Variants in CAMK2D observed in about 807,000 individuals in gnomAD.
CAMK2D encodes the protein calcium/calmodulin dependent protein kinase II delta.
CAMK2D carries 37 observed loss-of-function variants against 84.0 expected under a neutral mutation model. The observed-to-expected ratio is 0.44, with a 90% CI of 0.34 to 0.58. The LOEUF is 0.58. Among genes scored for constraint, CAMK2D ranks in the 20% least tolerant of loss-of-function variants. The pLI is 0.02. For synonymous variants in CAMK2D, 202 were observed against 212.5 expected (o/e 0.95, Z 0.43); for missense variants, 448 against 652.5 (o/e 0.69, Z 3.41).
intron 4 of CAMK2D, among the ~76,000 whole-genome samples, chr4:113,579,219 T>G (rs566547422): frequency 3.6e-4 from 55 of 152,358 alleles, no homozygotes; most frequent in African/African-American, 1.3e-3. Context: ...ATATTATAGT[T>G]GAGTCTTTGC....
At chr4:113,511,307 A>T (rs2098211190) in intron 12 of CAMK2D, among the ~76,000 whole-genome samples, 1 of 152,138 alleles carries the variant, frequency 6.6e-6, no homozygotes, top group Admixed American at 6.5e-5. Flanking sequence ...GTGATGGATT[A>T]AAAAAATTGC....
intron 3 of CAMK2D, among the ~76,000 whole-genome samples, chr4:113,627,283 C>A (rs763464932): frequency 6.6e-6 from 1 of 152,116 alleles, no homozygotes; most frequent in Non-Finnish European, 1.5e-5. Flanking sequence ...TTTTCCATTA[C>A]ATTTCACTGT....
At chr4:113,633,747 G>A (rs1350806624) in intron 3 of CAMK2D, among the ~76,000 whole-genome samples, 1 of 152,078 alleles carries the variant, frequency 6.6e-6, no homozygotes, top group East Asian at 1.9e-4. Context: ...GGTAACTGTG[G>A]GCAAAGTGCT....
chr4:113,731,135 C>G (rs1189310068), intron 2 of CAMK2D, among the ~76,000 whole-genome samples: 1 of 152,200 alleles, frequency 6.6e-6, no homozygotes, highest in Non-Finnish European at 1.5e-5. Context: ...ATTTCCACCT[C>G]TCTCCCATAA....
Position 113,761,227 on chromosome 4 carries a change from G to T in CAMK2D, c.-159C>A. The T allele has an allele frequency of 6.7e-7, 1 of 1,488,630 alleles. No homozygotes were observed. The allele number at this position is 1,488,630 out of a possible 1,614,324, so 92.2% of individuals were successfully genotyped here. On this transcript the variant is annotated 5_prime_UTR_variant, in exon 1 of 21. Transcript: ENST00000511664. ...CCCGCGAGGGAGTGTGCGCAGGGGC[G>T]GGGCGGGAGGGGAGATGACCAGAAA...
intron 14 of CAMK2D, among the ~76,000 whole-genome samples, chr4:113,504,056 T>C (rs568583410): frequency 2.0e-5 from 3 of 152,336 alleles, no homozygotes; most frequent in African/African-American, 7.2e-5. Context: ...TATTTTGATG[T>C]GTCCTCCTTT....
chr4:113,651,373 C>T (rs1170175671), intron 3 of CAMK2D, among the ~76,000 whole-genome samples: 2 of 152,068 alleles, frequency 1.3e-5, no homozygotes, highest in Admixed American at 6.5e-5. Flanking sequence ...AAAACAAATT[C>T]CTGTGTTCAA....
rs1553973876 is a variant in CAMK2D at position 113,581,529 on chromosome 4, A to AAAGAAAAAG, written c.275+27622_275+27623insCTTTTTCTT. ...ACTTTCTCATAAAAAAAAAAAAAAA[A>AAAGAAAAAG]AAAAGAAAAGAAAAGAAAAGAAAAA... is the stretch of plus-strand genomic sequence containing the variant. On this transcript the variant is annotated intron_variant, in intron 4 of 20. Coordinates refer to ENST00000511664, the MANE Select transcript of CAMK2D (RefSeq NM_001321571.2). Among the ~76,000 whole-genome samples the AAAGAAAAAG allele has an allele frequency of 3.7e-3, 446 of 121,822 alleles. 4 individuals carry two copies. The highest frequency in any genetic ancestry group is 0.01 in the South Asian group (39 of 3,876). 79.9% of individuals were successfully genotyped at this position (121,822 alleles called of 152,430 possible).
At chr4:113,690,025 C>T (rs1172845820) in intron 2 of CAMK2D, among the ~76,000 whole-genome samples, 1 of 152,040 alleles carries the variant, frequency 6.6e-6, no homozygotes, top group Non-Finnish European at 1.5e-5. Context: ...CCACCAATAC[C>T]ATGGTGGGCG....
rs528452669 is a variant in CAMK2D, at chr4:113,620,699, G to T, written c.221-11493C>A. Among the ~76,000 whole-genome samples the T allele has an allele frequency of 9.3e-4, 141 of 152,034 alleles. 2 individuals carry two copies. The highest frequency in any genetic ancestry group is 3.0e-3 in the African/African-American group (126 of 41,482). On this transcript the variant is annotated intron_variant, in intron 3 of 20. Transcript: ENST00000511664. ...ATTTTTGTATTTTTAGTAGAGACAG[G>T]ATTTCACCATGTTAGCCAGGATAGT...
At chr4:113,623,221 C>T (rs981930694) in intron 3 of CAMK2D, among the ~76,000 whole-genome samples, 8 of 152,110 alleles carry the variant, frequency 5.3e-5, no homozygotes, top group Non-Finnish European at 1.2e-4. Flanking sequence ...ATTTCTGTTA[C>T]TCCTACACTT....
chr4:113,560,299 G>A (rs930006626), intron 4 of CAMK2D, among the ~76,000 whole-genome samples: 6 of 151,560 alleles, frequency 4.0e-5, no homozygotes, highest in Non-Finnish European at 5.9e-5. Flanking sequence ...AAGCAGTGTC[G>A]TTTATCTACT....
chr4:113,588,780 CAA>C (rs1004882667), intron 4 of CAMK2D, among the ~76,000 whole-genome samples: 5 of 150,358 alleles, frequency 3.3e-5, no homozygotes, highest in African/African-American at 1.2e-4. Flanking sequence ...TAATAGTGAT[CAA>C]AAGAGAAAAA....
chr4:113,507,112 AT>A (rs1244414032), intron 13 of CAMK2D, among the ~76,000 whole-genome samples: 3 of 152,186 alleles, frequency 2.0e-5, no homozygotes, highest in African/African-American at 4.8e-5. Context: ...TAACTAAATG[AT>A]TTTTTTCCTA....
chr4:113,704,912 C>G (rs991544003), intron 2 of CAMK2D, among the ~76,000 whole-genome samples: 1 of 148,146 alleles, frequency 6.8e-6, no homozygotes, highest in Admixed American at 7.0e-5. Context: ...AAAGTTAGAA[C>G]CAGGGTTAAA....
intron 7 of CAMK2D, 89 bp downstream of exon 7, chr4:113,537,252 C>A: frequency 3.1e-6 from 2 of 655,208 alleles, no homozygotes; most frequent in South Asian, 2.1e-5. Flanking sequence ...TGAAGTTTTC[C>A]ATTTTATTTT....
At chr4:113,623,696 A>G (rs2099056161) in intron 3 of CAMK2D, among the ~76,000 whole-genome samples, 1 of 152,080 alleles carries the variant, frequency 6.6e-6, no homozygotes, top group African/African-American at 2.4e-5. Flanking sequence ...ACCATCATCA[A>G]TGCAGGCAGT....
At chr4:113,479,336 T>A (rs931430276) in intron 16 of CAMK2D, among the ~76,000 whole-genome samples, 1 of 152,224 alleles carries the variant, frequency 6.6e-6, no homozygotes, top group South Asian at 2.1e-4. Context: ...CAGGCAAAAT[T>A]GAGCCAATTT....
intron 16 of CAMK2D, among the ~76,000 whole-genome samples, chr4:113,488,810 G>C (rs1422505084): frequency 6.6e-6 from 1 of 152,150 alleles, no homozygotes; most frequent in Non-Finnish European, 1.5e-5. Flanking sequence ...AAAATGAGAA[G>C]TTACATGTTT....
Sources: allele counts gnomAD v4.1 joint callset (sites outside exome capture counted in the v4.1 genomes callset), GRCh38; gene constraint gnomAD v4.1.1; transcripts MANE v1.5; gene names NCBI Gene and HGNC (gene_info 2026-07-23, HGNC 2026-07-21).